LINC00237: variants seen among roughly 807,000 people sequenced by gnomAD.
LINC00237 encodes the protein long intergenic non-protein coding RNA 237.
At position 21,089,159 on chromosome 20, in the gene LINC00237, A is replaced by G. The variant is rs2030755442; in HGVS notation, n.473-1129T>C. 2.0e-5 allele frequency among the ~76,000 whole-genome samples: 3 copies of G among 150,790 alleles called. No homozygotes were observed. In the Admixed American group the frequency reaches 2.0e-4, roughly 10 times the overall value. On this transcript the variant is annotated intron_variant and non_coding_transcript_variant, in intron 2 of 3. Coordinates refer to ENST00000691244, the Ensembl canonical transcript of LINC00237. The stretch of plus-strand genomic sequence containing the variant: ...GAGTTTCATATATTTCATGCAAAGG[A>G]TTGCTGAATATTCATTGATGTATCT...
rs1188118490 is a variant in LINC00237, at chr20:21,101,033, T to C, written n.88+5238A>G. On this transcript the variant is annotated intron_variant and non_coding_transcript_variant, in intron 1 of 3. Transcript: ENST00000691244. This position sits in a 1 kb window ranked among gnomAD's most constrained non-coding sequence, Gnocchi z 4.3. The stretch of plus-strand genomic sequence containing the variant: ...TCATGCAGCGGGCAAACAAGGAGAT[T>C]TATCCCGCGACAAACAGCCCCACCG... 1.3e-5 allele frequency among the ~76,000 whole-genome samples: 2 copies of C among 151,878 alleles called. No individual in the cohort carries two copies. Among genetic ancestry groups the C allele is most frequent in the African/African-American group, 4.8e-5 (2 of 41,302 alleles).
At chr20:21,086,984 C>CTATAGTACATA (rs201213071) in intron 3 of LINC00237, among the ~76,000 whole-genome samples, 1 of 138,376 alleles carries the variant, frequency 7.2e-6, no homozygotes, top group East Asian at 2.1e-4. Flanking sequence ...TCTATATGTA[C>CTATAGTACATA]TATAGTACAT....
intron 1 of LINC00237, among the ~76,000 whole-genome samples, chr20:21,102,020 C>G (rs2030939019): frequency 6.6e-6 from 1 of 152,266 alleles, no homozygotes; most frequent in Admixed American, 6.5e-5. Flanking sequence ...CAAGGCCAGA[C>G]CTGGTGGCGT....
chr20:21,099,742 G>A (rs374708202), intron 1 of LINC00237, among the ~76,000 whole-genome samples: 18 of 152,248 alleles, frequency 1.2e-4, no homozygotes, highest in African/African-American at 4.3e-4. Context: ...ATGTTTAAAA[G>A]ATAAGAAGAC....
At chr20:21,103,032 A>T (rs1004419684) in intron 1 of LINC00237, among the ~76,000 whole-genome samples, 25 of 152,216 alleles carry the variant, frequency 1.6e-4, no homozygotes, top group African/African-American at 6.0e-4. Flanking sequence ...CGCGACCGGC[A>T]GGCCTGGAGG....
chr20:21,098,575 C>T (rs536325076), intron 1 of LINC00237, among the ~76,000 whole-genome samples: 214 of 152,334 alleles, frequency 1.4e-3, no homozygotes, highest in Non-Finnish European at 2.3e-3. Flanking sequence ...AAGCTCAATG[C>T]TACCTGGGCT....
At chr20:21,104,152 G>A (rs921376869) in intron 1 of LINC00237, among the ~76,000 whole-genome samples, 12 of 152,222 alleles carry the variant, frequency 7.9e-5, no homozygotes, top group African/African-American at 2.7e-4. Flanking sequence ...GTAATTAGGT[G>A]TGGTACCTTT....
intron 1 of LINC00237, among the ~76,000 whole-genome samples, chr20:21,094,756 A>G (rs2030834959): frequency 6.6e-6 from 1 of 152,174 alleles, no homozygotes; most frequent in African/African-American, 2.4e-5. Context: ...CTGTCTGTTA[A>G]AAAAATAAAT....
chr20:21,096,477 G>A (rs2030859841), intron 1 of LINC00237, among the ~76,000 whole-genome samples: 1 of 152,210 alleles, frequency 6.6e-6, no homozygotes, highest in African/African-American at 2.4e-5. Flanking sequence ...CTGCAAGGGA[G>A]GCTGGGAAAT....
chr20:21,099,855 T>C (rs1190179939), intron 1 of LINC00237, among the ~76,000 whole-genome samples: 7 of 152,208 alleles, frequency 4.6e-5, no homozygotes, highest in African/African-American at 1.7e-4. Flanking sequence ...ATTCAGAAAC[T>C]ATCTGTATGA....
At chr20:21,099,538 C>A (rs992941232) in intron 1 of LINC00237, among the ~76,000 whole-genome samples, 1 of 152,168 alleles carries the variant, frequency 6.6e-6, no homozygotes, top group Non-Finnish European at 1.5e-5. Context: ...CCCCTCCCAG[C>A]ACCCAGGTCT....
intron 1 of LINC00237, among the ~76,000 whole-genome samples, chr20:21,094,578 G>C (rs2030831805): frequency 6.6e-6 from 1 of 152,138 alleles, no homozygotes; most frequent in South Asian, 2.1e-4. Flanking sequence ...GGAAAGAGGG[G>C]TGGGTAAGCA....
At chr20:21,105,434 C>T (rs1346206889) in intron 1 of LINC00237, among the ~76,000 whole-genome samples, 2 of 152,206 alleles carry the variant, frequency 1.3e-5, no homozygotes, top group African/African-American at 2.4e-5. Flanking sequence ...AGTGGTTTCT[C>T]GAGGTACCCC....
rs999969151 is a variant in LINC00237, at chr20:21,101,921, G to C, written n.88+4350C>G. 6.6e-6 allele frequency among the ~76,000 whole-genome samples: 1 copy of C among 152,238 alleles called. No individual in the cohort carries two copies. Among genetic ancestry groups the C allele is most frequent in the African/African-American group, 2.4e-5 (1 of 41,464 alleles). On this transcript the variant is annotated intron_variant and non_coding_transcript_variant, in intron 1 of 3. Coordinates refer to ENST00000691244, the Ensembl canonical transcript of LINC00237. The surrounding 1 kb of genome is among the most constrained non-coding windows in gnomAD (Gnocchi z 4.3). ...AGGGGTGAGGGCGCGACCGCCTTGG[G>C]GCAGGGGCGGCGATGGAGTAGCTCC...
chr20:21,089,514 C>T (rs1472717787), intron 2 of LINC00237, among the ~76,000 whole-genome samples: 1 of 152,080 alleles, frequency 6.6e-6, no homozygotes, highest in Non-Finnish European at 1.5e-5. Context: ...TAACAGTGGC[C>T]TCTTTCTTCT....
chr20:21,094,301 C>G (rs1171665623), intron 1 of LINC00237, among the ~76,000 whole-genome samples: 1 of 152,200 alleles, frequency 6.6e-6, no homozygotes, highest in Non-Finnish European at 1.5e-5. Flanking sequence ...CACAGACACT[C>G]GTGTTGAGAC....
At chr20:21,087,808 T>C (rs2030734416) in intron 3 of LINC00237, 1 of 152,154 alleles carries the variant, frequency 6.6e-6, no homozygotes, top group Admixed American at 6.5e-5. Context: ...CCTGATATAA[T>C]AGTGAGGAAC....
At chr20:21,097,553 T>C (rs1280103446) in intron 1 of LINC00237, among the ~76,000 whole-genome samples, 1 of 152,234 alleles carries the variant, frequency 6.6e-6, no homozygotes, top group Non-Finnish European at 1.5e-5. Flanking sequence ...TTTCCCAAGA[T>C]ATAAGGTGTA....
intron 1 of LINC00237, among the ~76,000 whole-genome samples, chr20:21,104,728 T>A (rs1320295239): frequency 6.6e-6 from 1 of 152,222 alleles, no homozygotes; most frequent in East Asian, 1.9e-4. Flanking sequence ...TTTGGGGCAT[T>A]TCAGGCTGAG....
Sources: allele counts gnomAD v4.1 joint callset (sites outside exome capture counted in the v4.1 genomes callset), GRCh38; gene constraint gnomAD v4.1.1; non-coding constraint Gnocchi (gnomAD v3.1); transcripts MANE v1.5; gene names NCBI Gene and HGNC (gene_info 2026-07-23, HGNC 2026-07-21).